The following EVL variants were observed in gnomAD, a reference collection of about 807,000 sequenced individuals.
EVL encodes Enah/Vasp-like, also known as ena/VASP-like protein.
Under a neutral mutation model 59.6 loss-of-function variants are expected in EVL, and 21 were observed. The observed-to-expected ratio is 0.35, with a 90% confidence interval of 0.25 to 0.51. EVL has a LOEUF of 0.51. Ranked by LOEUF, EVL falls within the 20% of genes least tolerant of loss-of-function variation. EVL has a pLI of 0.97. For missense variants in EVL, 462 were observed against 546.6 expected, an observed-to-expected ratio of 0.85 and a Z score of 1.54; for synonymous variants, 198 against 203.5, an observed-to-expected ratio of 0.97 and a Z score of 0.23.
At chr14:99,982,558 A>G (rs966077062) in intron 1 of EVL, among the ~76,000 whole-genome samples, 4 of 152,154 alleles carry the variant, frequency 2.6e-5, no homozygotes, top group African/African-American at 7.2e-5. Flanking sequence ...CAGGAGAGAG[A>G]AGTAAATGGG....
rs771018080 is a variant in EVL, at chr14:100,128,612, C to T, written c.581C>T (p.Pro194Leu). 1 of 1,400,762 alleles carries T rather than the reference C, an allele frequency of 7.1e-7. No individual in the cohort carries two copies. The highest frequency in any genetic ancestry group is 1.5e-5 in the South Asian group (1 of 66,726). 86.8% of individuals were successfully genotyped at this position (1,400,762 alleles called of 1,614,324 possible). Residue 194 changes from proline (P) to leucine (L), a missense_variant, in exon 6 of 14, where the codon CCT becomes CTT. Pro to Leu is a moderately conservative substitution (Grantham distance 98). Coordinates refer to ENST00000392920, the MANE Select transcript of EVL (RefSeq NM_016337.3). ...CCGCCCCCCCCACCCCCAGTCCCAC[C>T]TCCACCCACTGGGGCTACCCCACCT... ...PPPPPPPPVP[P>L]PPTGATPPPP...
chr14:100,142,002 T>G, intron 13 of EVL: 1 of 463,914 alleles, frequency 2.2e-6, no homozygotes, highest in Non-Finnish European at 3.9e-6. Flanking sequence ...TGTAGCTCCC[T>G]GGTAGCATGA....
At chr14:100,021,531 G>T (rs937537762) in intron 1 of EVL, among the ~76,000 whole-genome samples, 1 of 152,144 alleles carries the variant, frequency 6.6e-6, no homozygotes, top group Non-Finnish European at 1.5e-5. Flanking sequence ...TCATGGTGGG[G>T]CAACACAGGG....
chr14:100,118,680 G>C (rs1887505476), intron 3 of EVL, among the ~76,000 whole-genome samples: 2 of 152,172 alleles, frequency 1.3e-5, no homozygotes, highest in African/African-American at 4.8e-5. Context: ...GAGTCTGTCA[G>C]CTCCTGTCCC....
chr14:100,051,529 G>A (rs889983955), intron 1 of EVL, among the ~76,000 whole-genome samples: 20 of 152,162 alleles, frequency 1.3e-4, no homozygotes, highest in South Asian at 1.0e-3. Flanking sequence ...ACTTATAACA[G>A]CATTATAACT....
At chr14:100,084,437 G>C (rs755995557) in intron 1 of EVL, among the ~76,000 whole-genome samples, 45 of 152,160 alleles carry the variant, frequency 3.0e-4, no homozygotes, top group Non-Finnish European at 5.7e-4. Context: ...CTTCTCCCCT[G>C]AAAACAAAGT....
intron 1 of EVL, among the ~76,000 whole-genome samples, chr14:100,058,837 G>A (rs1221680823): frequency 6.6e-6 from 1 of 152,148 alleles, no homozygotes; most frequent in African/African-American, 2.4e-5. Flanking sequence ...ATTAAAGCTA[G>A]ATGATAGAGT....
At chr14:100,111,669 G>A (rs553709610) in intron 3 of EVL, among the ~76,000 whole-genome samples, 23 of 152,124 alleles carry the variant, frequency 1.5e-4, no homozygotes, top group Admixed American at 9.8e-4. Context: ...GAGCTAAGCC[G>A]TATACTCCTT....
At chr14:100,032,528 C>T (rs540217437) in intron 1 of EVL, among the ~76,000 whole-genome samples, 5 of 152,254 alleles carry the variant, frequency 3.3e-5, no homozygotes, top group Admixed American at 1.3e-4. Flanking sequence ...ATTGCCAGGA[C>T]GGCTTTTCAT....
At chr14:100,113,996 C>T (rs1887167288) in intron 3 of EVL, among the ~76,000 whole-genome samples, 1 of 152,090 alleles carries the variant, frequency 6.6e-6, no homozygotes, top group Non-Finnish European at 1.5e-5. Context: ...ACTCTGTAAG[C>T]AGACTCAGTG....
chr14:100,045,866 G>T (rs2061538307), intron 1 of EVL, among the ~76,000 whole-genome samples: 1 of 152,162 alleles, frequency 6.6e-6, no homozygotes, highest in African/African-American at 2.4e-5. Context: ...AGGCCTGTGG[G>T]CACTGATGAT....
intron 1 of EVL, among the ~76,000 whole-genome samples, chr14:100,001,152 C>T (rs549011580): frequency 6.6e-6 from 1 of 152,136 alleles, no homozygotes; most frequent in East Asian, 1.9e-4. Context: ...ATGAAAGTGG[C>T]TTATGTATGT....
chr14:100,051,405 AT>A (rs1224019257), intron 1 of EVL, among the ~76,000 whole-genome samples: 2 of 152,220 alleles, frequency 1.3e-5, no homozygotes, highest in Non-Finnish European at 2.9e-5. Context: ...CTTGGAACAT[AT>A]CCCCCCATGG....
intron 1 of EVL, among the ~76,000 whole-genome samples, chr14:100,005,854 G>T (rs886609277): frequency 2.0e-5 from 3 of 152,140 alleles, no homozygotes; most frequent in African/African-American, 7.2e-5. Flanking sequence ...GGAAAAAAAA[G>T]AAGGCAGAAC....
chr14:100,065,605 C>A, intron 1 of EVL, 94 bp downstream of exon 1: 1 of 654,724 alleles, frequency 1.5e-6, no homozygotes, highest in East Asian at 3.4e-5. Flanking sequence ...TCTCAGGTCC[C>A]CTTAGTATAC....
rs1889175532 is a variant in EVL, at chr14:100,141,664, C to T, written c.1162-72C>T. 4.0e-6 allele frequency: 6 copies of T among 1,498,560 alleles called. No individual in the cohort carries two copies. The Admixed American group carries it at 1.1e-4, about 27-fold the overall frequency. The allele number at this position is 1,498,560 out of a possible 1,614,324, so 92.8% of individuals were successfully genotyped here. The stretch of plus-strand genomic sequence containing the variant: ...CCCAGGAGACCCCAAGCCCTTTGGA[C>T]ATGGCCCAGCCCAGGCCGGCTTTTC... On this transcript the variant is annotated intron_variant, in intron 12 of 13. Coordinates refer to ENST00000392920, the MANE Select transcript of EVL (RefSeq NM_016337.3).
Position 100,097,597 on chromosome 14 carries a change from G to A in EVL, c.297G>A (p.Glu99=), listed in dbSNP as rs1885906661. 1.9e-6 allele frequency: 3 copies of A among 1,614,016 alleles called. No individual in the cohort carries two copies. The highest frequency in any genetic ancestry group is 1.1e-5 in the South Asian group (1 of 91,078). ...GCTTAAACTTTGCAAGTAAAGAAGA[G>A]GCAACCACGTTCTCCAATGCAATGC... ...VYGLNFASKE[E]ATTFSNAMLF... Residue 99 remains glutamate, a synonymous_variant, in exon 3 of 14, where the codon GAG becomes GAA. Coordinates refer to ENST00000392920, the MANE Select transcript of EVL (RefSeq NM_016337.3).
intron 1 of EVL, among the ~76,000 whole-genome samples, chr14:100,071,697 G>A (rs2140279872): frequency 6.6e-6 from 1 of 152,298 alleles, no homozygotes; most frequent in Middle Eastern, 3.4e-3. Flanking sequence ...CTGCACTACA[G>A]ACAGCAAGCA....
At chr14:99,993,525 C>G (rs1260369883) in intron 1 of EVL, among the ~76,000 whole-genome samples, 1 of 152,094 alleles carries the variant, frequency 6.6e-6, no homozygotes, top group Non-Finnish European at 1.5e-5. Flanking sequence ...AGTGTTCCCT[C>G]ATCTTCAATT....
Sources: gnomAD v4.1 joint callset for allele counts (sites outside exome capture counted in the v4.1 genomes callset) on GRCh38, gnomAD v4.1.1 for gene constraint, MANE v1.5 for transcripts, NCBI Gene and HGNC (gene_info 2026-07-23, HGNC 2026-07-21) for gene names.